Variants in GPR55 observed in about 807,000 individuals in gnomAD.
GPR55 encodes the protein G-protein coupled receptor 55.
GPR55 carries 6 observed loss-of-function variants against 7.9 expected under a neutral mutation model. The ratio of observed to expected loss-of-function variants is 0.76; its 90% CI spans 0.41 to 1.49. The LOEUF (loss-of-function observed/expected upper bound fraction) is 1.49. GPR55 is among the 40% of genes most tolerant of loss of function. The pLI is 0.01. For synonymous variants in GPR55, 183 were observed against 166.8 expected, an observed-to-expected ratio of 1.10 and a Z score of -0.75; for missense variants, 376 against 406.0, an observed-to-expected ratio of 0.93 and a Z score of 0.63.
rs1264740612 is a variant in GPR55, at chr2:230,908,713, A to T, written c.*1290T>A. 1 of 152,410 alleles carries T rather than the reference A, an allele frequency of 6.6e-6. No individual in the cohort carries two copies. Among genetic ancestry groups the T allele is most frequent in the East Asian group, 1.9e-4 (1 of 5,194 alleles). The allele number at this position is 152,410 out of a possible 1,614,324, so 9.4% of individuals were successfully genotyped here. A position where few individuals can be genotyped will look rare whatever the true frequency, so the allele number is the denominator to read the frequency against. ...TACTCCTCATCCCACTCGCTCTGTCATGCAAAACCACCCCACAATGGATCC... is the reference window on the plus strand; with the variant it reads ...TACTCCTCATCCCACTCGCTCTGTCTTGCAAAACCACCCCACAATGGATCC... On this transcript the variant is annotated 3_prime_UTR_variant, in exon 2 of 2. Transcript: ENST00000650999.
rs1055853726 is a variant in GPR55, at chr2:230,944,766, C to T, written c.-135+16009G>A. On this transcript the variant is annotated intron_variant, in intron 1 of 1. Transcript: ENST00000392039. This position sits in a 1 kb window ranked among gnomAD's most constrained non-coding sequence, Gnocchi z 4.2. ...AAATAAAAATAACAAATTCACATTC[C>T]GCTTGTTCATCCTGATTCTTCAGGC... Among the ~76,000 whole-genome samples, 2 of 152,172 alleles carry T rather than the reference C, an allele frequency of 1.3e-5. No individual in the cohort carries two copies. The highest frequency in any genetic ancestry group is 2.4e-5 in the African/African-American group (1 of 41,432).
At chr2:230,946,616 A>T (rs1038998834) in intron 1 of GPR55, among the ~76,000 whole-genome samples, 1 of 152,178 alleles carries the variant, frequency 6.6e-6, no homozygotes, top group African/African-American at 2.4e-5. Context: ...TAAGTGGTGG[A>T]GGGTAGAGAT....
intron 1 of GPR55, among the ~76,000 whole-genome samples, chr2:230,915,732 A>G (rs1387906538): frequency 6.6e-6 from 1 of 152,250 alleles, no homozygotes; most frequent in East Asian, 1.9e-4. Context: ...ACATCCATGA[A>G]TAAACAAACC....
intron 1 of GPR55, among the ~76,000 whole-genome samples, chr2:230,922,764 AG>A (rs1228586879): frequency 6.6e-6 from 1 of 152,058 alleles, no homozygotes. Context: ...TCGTAGATAC[AG>A]CGTTTCTCTA....
chr2:230,932,482 T>C (rs1310248385), intron 1 of GPR55, among the ~76,000 whole-genome samples: 1 of 152,200 alleles, frequency 6.6e-6, no homozygotes, highest in Non-Finnish European at 1.5e-5. Flanking sequence ...GAAGCTACTA[T>C]GGAAGGAAAG....
intron 1 of GPR55, among the ~76,000 whole-genome samples, chr2:230,933,572 G>C (rs903743885): frequency 5.3e-5 from 8 of 152,266 alleles, no homozygotes; most frequent in Non-Finnish European, 1.0e-4. Context: ...ACAGGCCAAA[G>C]AAACTAGAGC....
chr2:230,953,965 G>A (rs1691442012), intron 1 of GPR55, among the ~76,000 whole-genome samples: 1 of 152,234 alleles, frequency 6.6e-6, no homozygotes, highest in Admixed American at 6.5e-5. Flanking sequence ...TCCTCAGCCT[G>A]AGAGGCTCCA....
chr2:230,941,733 T>G (rs1691237705), intron 1 of GPR55, among the ~76,000 whole-genome samples: 2 of 152,222 alleles, frequency 1.3e-5, no homozygotes, highest in Non-Finnish European at 2.9e-5. Context: ...AGGCCTTCCC[T>G]GATCTCCAGC....
intron 1 of GPR55, among the ~76,000 whole-genome samples, chr2:230,919,592 C>A (rs954155561): frequency 6.6e-6 from 1 of 152,154 alleles, no homozygotes; most frequent in African/African-American, 2.4e-5. Context: ...CAAATTAGCA[C>A]ACCACTTTTG....
intron 1 of GPR55, among the ~76,000 whole-genome samples, chr2:230,955,400 A>G (rs1691465046): frequency 6.6e-6 from 1 of 152,220 alleles, no homozygotes; most frequent in Non-Finnish European, 1.5e-5. Context: ...CTCTCAGGAA[A>G]GAAAGTGGCT....
chr2:230,908,103 G>A lies in GPR55; in HGVS notation c.*1900C>T, dbSNP rs1285084811. The stretch of plus-strand genomic sequence containing the variant: ...TGGGAGAGGGCAGCCTGCAGGCAAG[G>A]AGAGGAGTGTCTGGGGTTTGGGGCA... On this transcript the variant is annotated 3_prime_UTR_variant, in exon 2 of 2. Coordinates refer to ENST00000650999, the MANE Select transcript of GPR55 (RefSeq NM_005683.4). The A allele has an allele frequency of 2.0e-5, 3 of 152,586 alleles. No homozygotes were observed. Among genetic ancestry groups the A allele is most frequent in the Non-Finnish European group, 4.4e-5 (3 of 68,372 alleles). 9.5% of individuals were successfully genotyped at this position (152,586 alleles called of 1,614,324 possible). A position where few individuals can be genotyped will look rare whatever the true frequency, so the allele number is the denominator to read the frequency against.
chr2:230,910,352 C>T lies in GPR55; in HGVS notation c.611G>A (p.Ser204Asn). ...MGIMGFCCSR[S>N]IHILLGRRDH... ...TCGGCGGCCCAGCAGGATGTGGATG[C>T]TCCTGGAGCAGCAGAAGCCCATGAT... Residue 204 changes from serine (S) to asparagine (N), a missense_variant, in exon 2 of 2, where the codon AGC becomes AAC. Transcript: ENST00000650999. The surrounding 1 kb of genome is among the most constrained non-coding windows in gnomAD (Gnocchi z 5.4). 6.2e-7 allele frequency: 1 copy of T among 1,613,656 alleles called. No individual in the cohort carries two copies. Among genetic ancestry groups the T allele is most frequent in the East Asian group, 2.2e-5 (1 of 44,844 alleles).
At chr2:230,942,572 G>A (rs1465045249) in intron 1 of GPR55, among the ~76,000 whole-genome samples, 1 of 151,982 alleles carries the variant, frequency 6.6e-6, no homozygotes, top group Non-Finnish European at 1.5e-5. Flanking sequence ...CCAGAGAAAG[G>A]CCAAAAGGGA....
At chr2:230,957,504 G>T (rs995273681) in intron 1 of GPR55, 39 of 358,490 alleles carry the variant, frequency 1.1e-4, no homozygotes, top group Middle Eastern at 1.0e-3. Context: ...TTGTGAATTT[G>T]GGCGGGACGG....
upstream of GPR55, among the ~76,000 whole-genome samples, chr2:230,925,524 T>C (rs1388314041): frequency 2.0e-5 from 3 of 152,094 alleles, no homozygotes; most frequent in East Asian, 5.8e-4. Flanking sequence ...TCACACTGCA[T>C]GTGTCAAGCC....
At chr2:230,932,717 T>C (rs947384492) in intron 1 of GPR55, among the ~76,000 whole-genome samples, 2 of 152,278 alleles carry the variant, frequency 1.3e-5, no homozygotes, top group African/African-American at 4.8e-5. Context: ...CTGGCCGTCA[T>C]CCTAAACCAG....
At position 230,938,774 on chromosome 2, in the gene GPR55, G is replaced by A. The variant is rs979747503; in HGVS notation, c.-135+22001C>T. On this transcript the variant is annotated intron_variant, in intron 1 of 1. Transcript: ENST00000392039. Reference sequence around the variant, plus strand: ...AGCCATGTGGGCTCCGTGGCATCTCGGGACCTTGCCTGATATGAAGGATGT... The same window carrying A: ...AGCCATGTGGGCTCCGTGGCATCTCAGGACCTTGCCTGATATGAAGGATGT... 1.4e-4 allele frequency among the ~76,000 whole-genome samples: 21 copies of A among 152,176 alleles called. 1 individual carries two copies. The highest frequency in any genetic ancestry group is 9.2e-4 in the Admixed American group (14 of 15,274).
At chr2:230,937,134 G>C (rs1691144013) in intron 1 of GPR55, among the ~76,000 whole-genome samples, 1 of 152,068 alleles carries the variant, frequency 6.6e-6, no homozygotes, top group African/African-American at 2.4e-5. Flanking sequence ...AGGCACAGTG[G>C]CTCACACCTG....
intron 1 of GPR55, among the ~76,000 whole-genome samples, chr2:230,956,002 T>C (rs1263208379): frequency 6.6e-6 from 1 of 152,098 alleles, no homozygotes; most frequent in Admixed American, 6.5e-5. Flanking sequence ...GCTGAGATTA[T>C]AGGCATGAGC....
Sources: gnomAD v4.1 joint callset for allele counts (sites outside exome capture counted in the v4.1 genomes callset) on GRCh38, gnomAD v4.1.1 for gene constraint, Gnocchi (gnomAD v3.1) non-coding constraint, MANE v1.5 for transcripts, NCBI Gene and HGNC (gene_info 2026-07-23, HGNC 2026-07-21) for gene names.